Variants in SLC24A2 observed in about 807,000 individuals in gnomAD.
The protein encoded by SLC24A2 is solute carrier family 24 member 2, also known as sodium/potassium/calcium exchanger 2.
A neutral mutation model predicts 62.0 loss-of-function variants in SLC24A2; 36 were observed. The observed-to-expected ratio is 0.58, with a 90% CI of 0.44 to 0.77. SLC24A2 has a LOEUF of 0.77. Ranked by LOEUF, SLC24A2 falls within the 30% of genes least tolerant of loss-of-function variation. The probability of loss-of-function intolerance (pLI) is 0.00; values close to 1 mark genes in which losing one functional copy is unlikely to be tolerated. For missense variants in SLC24A2, 846 were observed against 817.9 expected (o/e 1.03, Z -0.42); for synonymous variants, 358 against 294.0 (o/e 1.22, Z -2.23).
chr9:19,579,252 G>C lies in SLC24A2; in HGVS notation c.1130-2230C>G, dbSNP rs115000937. On this transcript the variant is annotated intron_variant, in intron 5 of 10. Coordinates refer to ENST00000341998, the MANE Select transcript of SLC24A2 (RefSeq NM_020344.4). ...AAAAATAGAGAAAAAGAAATGCAAG[G>C]ATGGAGGAGGCAGGCAGGGTCTATG... Among the ~76,000 whole-genome samples the C allele has an allele frequency of 8.9e-3, 1,354 of 152,280 alleles. 20 individuals are homozygous for C. The highest frequency in any genetic ancestry group is 0.03 in the African/African-American group (1,244 of 41,552).
chr9:19,655,024 A>C (rs1213543384), intron 2 of SLC24A2, among the ~76,000 whole-genome samples: 2 of 152,244 alleles, frequency 1.3e-5, no homozygotes, highest in Non-Finnish European at 2.9e-5. Flanking sequence ...CCTGTGACTC[A>C]TATTAGTTTC....
intron 8 of SLC24A2, among the ~76,000 whole-genome samples, chr9:19,542,448 T>C (rs980462768): frequency 1.3e-5 from 2 of 152,218 alleles, no homozygotes; most frequent in Non-Finnish European, 2.9e-5. Context: ...TCTTGCCTGA[T>C]TGCCCTGGCC....
the SLC24A2 span, among the ~76,000 whole-genome samples, chr9:20,054,151 GTTTTC>G: frequency 4.6e-5 from 7 of 151,762 alleles, no homozygotes; most frequent in African/African-American, 1.2e-4. Flanking sequence ...GTGATTTCTA[GTTTTC>G]TTTTCTTTTT....
At chr9:20,019,332 G>A in the SLC24A2 span, among the ~76,000 whole-genome samples, 2 of 148,604 alleles carry the variant, frequency 1.3e-5, no homozygotes, top group East Asian at 3.9e-4. Context: ...ACTTGTTCAA[G>A]TTCATACAGC....
chr9:20,162,606 G>C, the SLC24A2 span, among the ~76,000 whole-genome samples: 105 of 152,108 alleles, frequency 6.9e-4, no homozygotes, highest in Non-Finnish European at 1.3e-3. Flanking sequence ...TAGAAAAAGA[G>C]GGAATCCTCC....
chr9:19,819,313 C>G, the SLC24A2 span, among the ~76,000 whole-genome samples: 2 of 152,172 alleles, frequency 1.3e-5, no homozygotes, highest in Non-Finnish European at 1.5e-5. Flanking sequence ...ACCAAGAACC[C>G]CAAAGCAAAT....
At chr9:19,731,794 G>T (rs1249815960) in intron 2 of SLC24A2, among the ~76,000 whole-genome samples, 4 of 152,150 alleles carry the variant, frequency 2.6e-5, no homozygotes, top group African/African-American at 9.7e-5. Flanking sequence ...CCAAATAAAT[G>T]GTGACTGCAG....
chr9:20,291,331 G>A, the SLC24A2 span, among the ~76,000 whole-genome samples: 6 of 152,032 alleles, frequency 3.9e-5, no homozygotes, highest in Non-Finnish European at 8.8e-5. Flanking sequence ...AGAGAGAGAT[G>A]GCATTTGAAA....
chr9:20,143,052 C>A, the SLC24A2 span, among the ~76,000 whole-genome samples: 13 of 152,170 alleles, frequency 8.5e-5, no homozygotes, highest in Non-Finnish European at 1.6e-4. Context: ...CTCAGAGTCA[C>A]CCACCAATGA....
the SLC24A2 span, among the ~76,000 whole-genome samples, chr9:20,269,965 C>CCCTG: frequency 6.6e-6 from 1 of 152,138 alleles, no homozygotes; most frequent in African/African-American, 2.4e-5. Context: ...AGGGGCATGG[C>CCCTG]CCTGCCTTCT....
At chr9:19,945,345 A>C in the SLC24A2 span, among the ~76,000 whole-genome samples, 1 of 152,086 alleles carries the variant, frequency 6.6e-6, no homozygotes, top group Admixed American at 6.6e-5. Context: ...AGAGAACATA[A>C]AAGATTGAGC....
the SLC24A2 span, among the ~76,000 whole-genome samples, chr9:20,011,747 C>G: frequency 6.6e-5 from 10 of 151,948 alleles, no homozygotes; most frequent in African/African-American, 2.4e-4. Flanking sequence ...ATAATTTTAC[C>G]AAGACACATC....
the SLC24A2 span, among the ~76,000 whole-genome samples, chr9:19,910,725 T>C: frequency 6.6e-6 from 1 of 152,208 alleles, no homozygotes; most frequent in Middle Eastern, 3.4e-3. Context: ...CTAGATTTAT[T>C]TTTCAAAGCT....
the SLC24A2 span, among the ~76,000 whole-genome samples, chr9:20,263,864 C>CA: frequency 4.8e-3 from 365 of 75,660 alleles, 29 homozygotes; most frequent in Non-Finnish European, 5.3e-3. Flanking sequence ...CCCACCCGCC[C>CA]CCCCCCCCCC....
At chr9:20,019,161 GA>G in the SLC24A2 span, among the ~76,000 whole-genome samples, 1 of 138,016 alleles carries the variant, frequency 7.2e-6, no homozygotes, top group African/African-American at 2.8e-5. Flanking sequence ...AAGAAAGAGA[GA>G]GAGACAGAAA....
At chr9:20,156,403 T>A in the SLC24A2 span, among the ~76,000 whole-genome samples, 1 of 151,722 alleles carries the variant, frequency 6.6e-6, no homozygotes. Flanking sequence ...TATCACACAG[T>A]GAATCTATGA....
chr9:20,167,362 T>C, the SLC24A2 span, among the ~76,000 whole-genome samples: 2 of 152,014 alleles, frequency 1.3e-5, no homozygotes, highest in Non-Finnish European at 2.9e-5. Context: ...TTTGTGTTGT[T>C]GGAAGCTGAA....
the SLC24A2 span, among the ~76,000 whole-genome samples, chr9:20,101,775 T>C: frequency 6.6e-6 from 1 of 151,886 alleles, no homozygotes; most frequent in Non-Finnish European, 1.5e-5. Context: ...AAAAGAAAGA[T>C]ACCAAGAACT....
chr9:19,813,317 C>CTTTTTTTTTTT, the SLC24A2 span, among the ~76,000 whole-genome samples: 1 of 86,274 alleles, frequency 1.2e-5, no homozygotes, highest in African/African-American at 4.6e-5. Flanking sequence ...TCATCTTCCT[C>CTTTTTTTTTTT]TTTTTTTTTT....
Sources: gnomAD v4.1 joint callset for allele counts (sites outside exome capture counted in the v4.1 genomes callset) on GRCh38, gnomAD v4.1.1 for gene constraint, MANE v1.5 for transcripts, NCBI Gene and HGNC (gene_info 2026-07-23, HGNC 2026-07-21) for gene names.